The following DGKH variants were observed in gnomAD, a reference collection of about 807,000 sequenced individuals.
DGKH encodes the protein DAG kinase eta.
DGKH carries 90 observed loss-of-function variants against 159.3 expected under a neutral mutation model. The ratio of observed to expected loss-of-function variants is 0.57; its 90% CI spans 0.48 to 0.67. The LOEUF (loss-of-function observed/expected upper bound fraction) is 0.67. DGKH is among the 30% of genes least tolerant of loss of function. The pLI is 0.00. For synonymous variants in DGKH, 536 were observed against 553.8 expected (o/e 0.97, Z 0.45); for missense variants, 1,181 against 1,506.1 (o/e 0.78, Z 3.57).
intron 17 of DGKH, among the ~76,000 whole-genome samples, chr13:42,196,134 A>G (rs1957198698): frequency 6.6e-6 from 1 of 152,240 alleles, no homozygotes; most frequent in South Asian, 2.1e-4. Context: ...ACTGTGATCA[A>G]AATAGACAGA....
chr13:42,152,444 T>TATACATACACACACATATATATAC lies in DGKH; in HGVS notation c.385-2841_385-2818dup, dbSNP rs1955928508. Among the ~76,000 whole-genome samples the TATACATACACACACATATATATAC allele has an allele frequency of 2.7e-5, 4 of 150,028 alleles. No homozygotes were observed. The South Asian group carries it at 6.3e-4, about 24-fold the overall frequency. The stretch of plus-strand genomic sequence containing the variant: ...ATGATTATATATGTGTATATATATA[T>TATACATACACACACATATATATAC]ATACATACACACACATATATATACA... On this transcript the variant is annotated intron_variant, in intron 3 of 29. Coordinates refer to ENST00000337343, the MANE Select transcript of DGKH (RefSeq NM_178009.5).
intron 1 of DGKH, among the ~76,000 whole-genome samples, chr13:42,040,387 T>C (rs994343377): frequency 6.6e-6 from 1 of 151,776 alleles, no homozygotes; most frequent in Non-Finnish European, 1.5e-5. Context: ...GCCGCTCCTT[T>C]CCGCGCGGCC....
At chr13:42,171,057 A>T (rs1956443121) in intron 11 of DGKH, among the ~76,000 whole-genome samples, 2 of 152,232 alleles carry the variant, frequency 1.3e-5, no homozygotes, top group South Asian at 4.1e-4. Context: ...GTTGGGTCAG[A>T]AAAGCATTAT....
At chr13:42,078,909 C>CCT (rs1287416145) in intron 1 of DGKH, among the ~76,000 whole-genome samples, 58 of 93,578 alleles carry the variant, frequency 6.2e-4, no homozygotes, top group African/African-American at 2.7e-3. Context: ...GTATATTCTC[C>CCT]TTTTTTTTTT....
intron 1 of DGKH, among the ~76,000 whole-genome samples, chr13:42,059,979 C>T (rs1882032039): frequency 6.6e-6 from 1 of 150,534 alleles, no homozygotes; most frequent in East Asian, 2.0e-4. Context: ...AATCTTGGCT[C>T]ACTGCAAACT....
rs920377275 is a variant in DGKH, at chr13:42,231,620, T to C, written c.*2432T>C. The C allele has an allele frequency of 2.0e-5, 3 of 152,206 alleles. No homozygotes were observed. Among genetic ancestry groups the C allele is most frequent in the African/African-American group, 7.2e-5 (3 of 41,446 alleles). The allele number at this position is 152,206 out of a possible 1,614,324, so 9.4% of individuals were successfully genotyped here. On this transcript the variant is annotated 3_prime_UTR_variant, in exon 30 of 30. Transcript: ENST00000337343. ...CTCTAGCATAAATAATGTATTAATATAAATATCTATATTGATTTTCACCCC... is the reference window on the plus strand; with the variant it reads ...CTCTAGCATAAATAATGTATTAATACAAATATCTATATTGATTTTCACCCC...
upstream of DGKH, among the ~76,000 whole-genome samples, chr13:42,048,208 G>C (rs1266846576): frequency 6.6e-6 from 1 of 152,176 alleles, no homozygotes; most frequent in Non-Finnish European, 1.5e-5. The surrounding 1 kb of genome is among the most constrained non-coding windows in gnomAD (Gnocchi z 6.7). Context: ...GCGCGGCGAG[G>C]CCCAAGTGTC....
At chr13:42,228,671 A>G (rs186198136) in intron 29 of DGKH, among the ~76,000 whole-genome samples, 1 of 80,532 alleles carries the variant, frequency 1.2e-5, no homozygotes, top group African/African-American at 4.6e-5. Context: ...AAGGGAGAGA[A>G]AGAAAGAGAA....
intron 26 of DGKH, 143 bp downstream of exon 26, chr13:42,215,810 T>C: frequency 1.5e-6 from 1 of 660,556 alleles, no homozygotes; most frequent in Non-Finnish European, 2.5e-6. Flanking sequence ...TTCACCTGGT[T>C]TTTGTCTTCA....
At chr13:42,122,507 A>C (rs959293426) in intron 1 of DGKH, among the ~76,000 whole-genome samples, 4 of 151,762 alleles carry the variant, frequency 2.6e-5, no homozygotes, top group African/African-American at 9.7e-5. Context: ...CATCAGTTCC[A>C]CTCTCATGTT....
intron 20 of DGKH, among the ~76,000 whole-genome samples, chr13:42,203,632 T>C (rs1170105): frequency 0.38 from 58,089 of 152,022 alleles, 11,880 homozygotes; most frequent in East Asian, 0.58. Context: ...AGCTGCAGTT[T>C]TGTAGCATTT....
At chr13:42,169,834 T>A (rs190453408) in intron 11 of DGKH, among the ~76,000 whole-genome samples, 1 of 152,182 alleles carries the variant, frequency 6.6e-6, no homozygotes, top group South Asian at 2.1e-4. Flanking sequence ...TCCAGTAGCT[T>A]GGGTGCATAA....
intron 1 of DGKH, among the ~76,000 whole-genome samples, chr13:42,054,580 T>C (rs1391515500): frequency 1.3e-5 from 2 of 152,194 alleles, no homozygotes; most frequent in Admixed American, 6.5e-5. Flanking sequence ...TGGAGGTTAC[T>C]AAGAAGGGGA....
chr13:42,069,250 T>G, intron 1 of DGKH: 3 of 1,111,180 alleles, frequency 2.7e-6, no homozygotes, highest in African/African-American at 3.1e-5. Context: ...TGTTCATCCT[T>G]TCTTACTTCA....
intron 15 of DGKH, among the ~76,000 whole-genome samples, chr13:42,189,533 A>G (rs1957013812): frequency 6.6e-6 from 1 of 152,224 alleles, no homozygotes; most frequent in Non-Finnish European, 1.5e-5. Flanking sequence ...AAATAGCAGA[A>G]ATAAATGGAA....
intron 1 of DGKH, among the ~76,000 whole-genome samples, chr13:42,119,980 G>A (rs1955037111): frequency 6.6e-6 from 1 of 152,028 alleles, no homozygotes; most frequent in South Asian, 2.1e-4. Context: ...CCTTTCTACT[G>A]TGGTTATATT....
At chr13:42,070,186 A>T in intron 1 of DGKH, 1 of 950,150 alleles carries the variant, frequency 1.1e-6, no homozygotes, top group Non-Finnish European at 1.7e-6. Context: ...TAACCAATCC[A>T]TGGGGCTAAA....
intron 11 of DGKH, 41 bp downstream of exon 11, chr13:42,168,859 A>G (rs1312266722): frequency 1.9e-6 from 3 of 1,564,982 alleles, no homozygotes; most frequent in Admixed American, 1.9e-5. Context: ...GGAAAATGGC[A>G]TACTGAAATC....
At chr13:42,188,927 C>T in intron 14 of DGKH, 109 bp from the exon 15 acceptor site, 1 of 1,284,816 alleles carries the variant, frequency 7.8e-7, no homozygotes, top group Non-Finnish European at 1.1e-6. Flanking sequence ...TGGTGTTTTT[C>T]TCTCTAGTGA....
Sources: allele counts gnomAD v4.1 joint callset (sites outside exome capture counted in the v4.1 genomes callset), GRCh38; gene constraint gnomAD v4.1.1; non-coding constraint Gnocchi (gnomAD v3.1); transcripts MANE v1.5; gene names NCBI Gene and HGNC (gene_info 2026-07-23, HGNC 2026-07-21).